Variants in NKAIN2 observed in about 807,000 individuals in gnomAD.
NKAIN2 encodes sodium/potassium transporting ATPase interacting 2.
Under a neutral mutation model 32.6 loss-of-function variants are expected in NKAIN2, and 14 were observed. The observed-to-expected ratio is 0.43, with a 90% CI of 0.28 to 0.67. The LOEUF is 0.67. Ranked by LOEUF, NKAIN2 falls within the 30% of genes least tolerant of loss-of-function variation. The pLI, the probability that NKAIN2 is intolerant of heterozygous loss-of-function variation, is 0.17. For synonymous variants in NKAIN2, 80 were observed against 87.2 expected (o/e 0.92, Z 0.46); for missense variants, 198 against 258.3 (o/e 0.77, Z 1.60).
At chr6:124,086,144 T>G (rs573771531) in intron 1 of NKAIN2, among the ~76,000 whole-genome samples, 1 of 152,036 alleles carries the variant, frequency 6.6e-6, no homozygotes, top group East Asian at 1.9e-4. Context: ...AATAATTCAT[T>G]ATCATAGGTA....
intron 2 of NKAIN2, among the ~76,000 whole-genome samples, chr6:124,333,634 T>C (rs1797752372): frequency 6.6e-6 from 1 of 151,884 alleles, no homozygotes; most frequent in Admixed American, 6.6e-5. Flanking sequence ...CACTCCGGCC[T>C]AGGTGACAGA....
intron 3 of NKAIN2, among the ~76,000 whole-genome samples, chr6:124,455,009 A>T (rs556867551): frequency 5.3e-5 from 8 of 152,174 alleles, no homozygotes; most frequent in African/African-American, 1.9e-4. Flanking sequence ...TTATCAGCCC[A>T]TCTACCTGAA....
At chr6:123,991,127 C>A (rs1398318443) in intron 1 of NKAIN2, among the ~76,000 whole-genome samples, 2 of 152,122 alleles carry the variant, frequency 1.3e-5, no homozygotes, top group African/African-American at 4.8e-5. Context: ...CGCAGAGTTT[C>A]TTTTCTTCTT....
intron 4 of NKAIN2, among the ~76,000 whole-genome samples, chr6:124,729,250 A>T (rs28830850): frequency 0.043 from 6,486 of 150,422 alleles, 192 homozygotes; most frequent in Admixed American, 0.062. Flanking sequence ...GCAGAGACAC[A>T]ACAAAAAAAG....
At chr6:124,779,380 G>GAAGGA (rs1172376022) in intron 4 of NKAIN2, among the ~76,000 whole-genome samples, 27 of 143,846 alleles carry the variant, frequency 1.9e-4, no homozygotes, top group Non-Finnish European at 3.5e-4. Flanking sequence ...AGGAAGGAAG[G>GAAGGA]AAGTCCTCCT....
intron 4 of NKAIN2, among the ~76,000 whole-genome samples, chr6:124,778,203 T>C (rs1175487812): frequency 6.6e-6 from 1 of 152,116 alleles, no homozygotes; most frequent in Non-Finnish European, 1.5e-5. Context: ...TTGTATCTTT[T>C]CAAATGTAGT....
At position 124,200,848 on chromosome 6, in the gene NKAIN2, G is replaced by C. The variant is rs181902693; in HGVS notation, c.55-82157G>C. 3.1e-3 allele frequency among the ~76,000 whole-genome samples: 470 copies of C among 152,140 alleles called. 2 individuals carry two copies. The highest frequency in any genetic ancestry group is 0.011 in the African/African-American group (452 of 41,534). On this transcript the variant is annotated intron_variant, in intron 1 of 6. Coordinates refer to ENST00000368417, the MANE Select transcript of NKAIN2 (RefSeq NM_001040214.3). ...TGTGCTGCATATAAATGTGCGGTTT[G>C]TATAGTAGGGGGTAAAATGGGCAGC...
At chr6:124,411,381 T>C (rs1226348857) in intron 3 of NKAIN2, among the ~76,000 whole-genome samples, 1 of 152,124 alleles carries the variant, frequency 6.6e-6, no homozygotes, top group Non-Finnish European at 1.5e-5. Context: ...GGCCTGGTGG[T>C]GACAAAATCT....
rs532284526 is a variant in NKAIN2, at chr6:124,374,562, A to C, written c.273+19215A>C. On this transcript the variant is annotated intron_variant, in intron 3 of 6. Coordinates refer to ENST00000368417, the MANE Select transcript of NKAIN2 (RefSeq NM_001040214.3). ...CCAATTAAGGAAATTAGATTCAGAG[A>C]CCTGACTAGCGAGAAAGCTTATTTA... Among the ~76,000 whole-genome samples the C allele has an allele frequency of 2.6e-5, 4 of 152,202 alleles. No homozygotes were observed. The South Asian group carries it at 6.2e-4, about 24-fold the overall frequency.
intron 3 of NKAIN2, among the ~76,000 whole-genome samples, chr6:124,635,724 A>G (rs185089733): frequency 5.9e-5 from 9 of 152,098 alleles, no homozygotes; most frequent in African/African-American, 1.9e-4. Context: ...AAAGGGGTCA[A>G]TTCAGCAAAA....
chr6:124,247,473 A>G (rs925829104), intron 1 of NKAIN2, among the ~76,000 whole-genome samples: 1 of 152,134 alleles, frequency 6.6e-6, no homozygotes, highest in Non-Finnish European at 1.5e-5. Context: ...TTCCACTAGT[A>G]GAGAATAATT....
chr6:124,565,138 AG>A (rs928601347), intron 3 of NKAIN2, among the ~76,000 whole-genome samples: 2 of 152,166 alleles, frequency 1.3e-5, no homozygotes, highest in African/African-American at 4.8e-5. Flanking sequence ...AGAGTCTCAC[AG>A]GGCAATAGAG....
intron 3 of NKAIN2, among the ~76,000 whole-genome samples, chr6:124,450,818 A>T (rs1562193022): frequency 6.6e-6 from 1 of 152,002 alleles, no homozygotes; most frequent in Non-Finnish European, 1.5e-5. Flanking sequence ...CTACATTTCC[A>T]CTCAAGGAAT....
At chr6:124,653,153 G>C (rs1383986128) in intron 3 of NKAIN2, among the ~76,000 whole-genome samples, 1 of 152,062 alleles carries the variant, frequency 6.6e-6, no homozygotes, top group East Asian at 1.9e-4. Flanking sequence ...TGATTCTAAA[G>C]TATATAGAGA....
intron 1 of NKAIN2, among the ~76,000 whole-genome samples, chr6:124,249,570 A>C (rs1428238042): frequency 6.6e-6 from 1 of 152,082 alleles, no homozygotes; most frequent in Non-Finnish European, 1.5e-5. Flanking sequence ...TGAAACAATA[A>C]GATGCTGGAT....
chr6:124,300,870 G>A (rs572952062), intron 2 of NKAIN2, among the ~76,000 whole-genome samples: 8 of 152,130 alleles, frequency 5.3e-5, no homozygotes, highest in Admixed American at 2.6e-4. Context: ...TCAAGAGAAA[G>A]AAGAGCATAA....
At chr6:124,215,136 A>C (rs1430767395) in intron 1 of NKAIN2, among the ~76,000 whole-genome samples, 1 of 152,160 alleles carries the variant, frequency 6.6e-6, no homozygotes, top group African/African-American at 2.4e-5. Flanking sequence ...AGCAATCAAC[A>C]CTTTAATTGT....
intron 1 of NKAIN2, among the ~76,000 whole-genome samples, chr6:123,975,237 A>G (rs1461760541): frequency 6.6e-6 from 1 of 152,196 alleles, no homozygotes; most frequent in African/African-American, 2.4e-5. Flanking sequence ...TGAAAGAAAT[A>G]TTATAATTCG....
chr6:123,947,683 A>G (rs1351942766), intron 1 of NKAIN2, among the ~76,000 whole-genome samples: 1 of 152,128 alleles, frequency 6.6e-6, no homozygotes, highest in Non-Finnish European at 1.5e-5. Flanking sequence ...TTGCATGCAT[A>G]GACTGTGCAG....
Sources: gnomAD v4.1 joint callset for allele counts (sites outside exome capture counted in the v4.1 genomes callset) on GRCh38, gnomAD v4.1.1 for gene constraint, MANE v1.5 for transcripts, NCBI Gene and HGNC (gene_info 2026-07-23, HGNC 2026-07-21) for gene names.